The following ANLN variants were observed in gnomAD, a reference collection of about 807,000 sequenced individuals.
ANLN encodes the protein anillin, actin binding protein.
A neutral mutation model predicts 135.1 loss-of-function variants in ANLN; 59 were observed. The observed-to-expected ratio is 0.44, with a 90% CI of 0.35 to 0.54. The LOEUF (loss-of-function observed/expected upper bound fraction) is 0.54, where lower values mean the gene tolerates loss of function less well. Ranked by LOEUF, ANLN falls within the 20% of genes least tolerant of loss-of-function variation. The pLI, the probability that ANLN is intolerant of heterozygous loss-of-function variation, is 0.00. For missense variants in ANLN, 1,182 were observed against 1,340.0 expected, an observed-to-expected ratio of 0.88 and a Z score of 1.84; for synonymous variants, 406 against 456.4, an observed-to-expected ratio of 0.89 and a Z score of 1.41.
At chr7:36,402,712 C>T (rs1229574419) in intron 3 of ANLN, among the ~76,000 whole-genome samples, 1 of 152,176 alleles carries the variant, frequency 6.6e-6, no homozygotes, top group African/African-American at 2.4e-5. Flanking sequence ...ACACTCTGCT[C>T]ATGTTACTTA....
At chr7:36,431,091 C>T (rs1375935338) in intron 20 of ANLN, among the ~76,000 whole-genome samples, 1 of 152,092 alleles carries the variant, frequency 6.6e-6, no homozygotes, top group Non-Finnish European at 1.5e-5. Flanking sequence ...TTATCAGTAG[C>T]ATGCTCTGTG....
At chr7:36,449,891 T>G in intron 23 of ANLN, 54 bp downstream of exon 23, 2 of 1,533,870 alleles carry the variant, frequency 1.3e-6, no homozygotes. Flanking sequence ...TTGCCCACTA[T>G]GTACTTACCA....
intron 13 of ANLN, 52 bp downstream of exon 13, chr7:36,422,044 C>T: frequency 6.3e-7 from 1 of 1,575,730 alleles, no homozygotes; most frequent in Non-Finnish European, 8.6e-7. Context: ...CCAGGGAAAA[C>T]TCATTTTGAT....
chr7:36,407,578 C>T, intron 4 of ANLN, 156 bp from the exon 5 acceptor site: 2 of 597,046 alleles, frequency 3.3e-6, no homozygotes, highest in Non-Finnish European at 2.9e-6. Flanking sequence ...TTTCCCAAAT[C>T]TTTCAAATTT....
chr7:36,445,424 A>G (rs956400711), intron 22 of ANLN, among the ~76,000 whole-genome samples: 1 of 152,096 alleles, frequency 6.6e-6, no homozygotes, highest in Non-Finnish European at 1.5e-5. Flanking sequence ...TATACAGATA[A>G]TAACATATTG....
chr7:36,411,876 C>T (rs1787427272), intron 7 of ANLN, among the ~76,000 whole-genome samples: 2 of 152,126 alleles, frequency 1.3e-5, no homozygotes, highest in Admixed American at 6.5e-5. Flanking sequence ...AACATCTCTT[C>T]CCTGTCCACA....
intron 14 of ANLN, among the ~76,000 whole-genome samples, chr7:36,423,221 A>G (rs957458592): frequency 6.6e-6 from 1 of 152,178 alleles, no homozygotes; most frequent in African/African-American, 2.4e-5. Context: ...GGTGAGAAGC[A>G]AATTTCAGGC....
chr7:36,449,357 T>C (rs1329309306), intron 22 of ANLN: 1 of 184,544 alleles, frequency 5.4e-6, no homozygotes, highest in Non-Finnish European at 1.1e-5. Context: ...CTCATTGTTA[T>C]AGCTGGTTTT....
intron 13 of ANLN, 56 bp from the exon 14 acceptor site, chr7:36,422,577 T>A: frequency 6.8e-7 from 1 of 1,470,284 alleles, no homozygotes; most frequent in Non-Finnish European, 9.1e-7. Context: ...TTGAATTTGC[T>A]CTCATTAGAA....
In ANLN at chr7:36,389,993, G is replaced by T; in HGVS notation, c.-34G>T. 6.2e-7 allele frequency: 1 copy of T among 1,614,100 alleles called. No individual in the cohort carries two copies. The highest frequency in any genetic ancestry group is 8.5e-7 in the Non-Finnish European group (1 of 1,179,960). On this transcript the variant is annotated 5_prime_UTR_variant, in exon 1 of 24. Coordinates refer to ENST00000265748, the MANE Select transcript of ANLN (RefSeq NM_018685.5). ...TTTCTCTTCCTGAATTTGAACCACC[G>T]TTTCCATCGTCTCGTAGTCCGACGC...
intron 21 of ANLN, among the ~76,000 whole-genome samples, chr7:36,443,206 G>A (rs571670636): frequency 1.3e-5 from 2 of 152,312 alleles, no homozygotes; most frequent in South Asian, 2.1e-4. Context: ...CACTTCAAGC[G>A]TGTCTCACGG....
chr7:36,425,905 A>G, intron 18 of ANLN, 110 bp from the exon 19 acceptor site: 1 of 1,177,052 alleles, frequency 8.5e-7, no homozygotes, highest in Non-Finnish European at 1.2e-6. Context: ...TGTTTTCTGA[A>G]ATGTATTTCT....
chr7:36,390,082 C>A (rs759191608), intron 1 of ANLN, 38 bp downstream of exon 1: 3 of 1,612,586 alleles, frequency 1.9e-6, no homozygotes, highest in Admixed American at 1.7e-5. Context: ...CATGACCCAC[C>A]GCTCTAGGCC....
At chr7:36,420,768 C>A in intron 12 of ANLN, 24 bp downstream of exon 12, 1 of 1,611,790 alleles carries the variant, frequency 6.2e-7, no homozygotes, top group East Asian at 2.2e-5. Context: ...TGGAAAGGGG[C>A]TTTGGAATGT....
intron 22 of ANLN, among the ~76,000 whole-genome samples, chr7:36,448,466 G>T (rs1212234572): frequency 6.6e-6 from 1 of 152,084 alleles, no homozygotes; most frequent in Non-Finnish European, 1.5e-5. Flanking sequence ...GCTTTGCTAG[G>T]GTGTTTTAAA....
intron 3 of ANLN, among the ~76,000 whole-genome samples, chr7:36,403,120 A>G (rs992027188): frequency 6.6e-6 from 1 of 152,138 alleles, no homozygotes; most frequent in African/African-American, 2.4e-5. Flanking sequence ...TCTTTCTCAA[A>G]AAATATAATA....
chr7:36,441,810 G>A (rs921754691), intron 21 of ANLN, among the ~76,000 whole-genome samples: 3 of 152,186 alleles, frequency 2.0e-5, no homozygotes, highest in Admixed American at 6.5e-5. Flanking sequence ...AAAGGTGAAC[G>A]TTAACACAGG....
intron 2 of ANLN, among the ~76,000 whole-genome samples, chr7:36,398,111 T>G (rs1786784259): frequency 6.6e-6 from 1 of 152,172 alleles, no homozygotes; most frequent in Non-Finnish European, 1.5e-5. Flanking sequence ...AAAATATTAA[T>G]TTTCCAGGAG....
chr7:36,436,252 G>A lies in ANLN; in HGVS notation c.2884-2952G>A, dbSNP rs147731776. On this transcript the variant is annotated intron_variant, in intron 20 of 23. Transcript: ENST00000265748. ...TTATGTCTGGCTTATTTCCCTTAGT[G>A]TAATGTTTCGGAAGTACATCCATGA... Among the ~76,000 whole-genome samples, 151 of 152,204 alleles carry A rather than the reference G, an allele frequency of 9.9e-4. 1 individual carries two copies. The highest frequency in any genetic ancestry group is 3.2e-3 in the African/African-American group (132 of 41,508).
Sources: gnomAD v4.1 joint callset for allele counts (sites outside exome capture counted in the v4.1 genomes callset) on GRCh38, gnomAD v4.1.1 for gene constraint, MANE v1.5 for transcripts, NCBI Gene and HGNC (gene_info 2026-07-23, HGNC 2026-07-21) for gene names.